Variants in IQCH observed in about 807,000 individuals in gnomAD.
IQCH encodes IQ domain-containing protein H.
Under a neutral mutation model 117.0 loss-of-function variants are expected in IQCH, and 98 were observed. That is an observed-to-expected ratio of 0.84 (90% CI 0.71 to 0.99). IQCH has a LOEUF of 0.99. Among genes scored for constraint, IQCH ranks in the 50% least tolerant of loss-of-function variants. IQCH has a pLI of 0.00. For synonymous variants in IQCH, 412 were observed against 448.2 expected, an observed-to-expected ratio of 0.92 and a Z score of 1.02; for missense variants, 1,102 against 1,243.8, an observed-to-expected ratio of 0.89 and a Z score of 1.72.
chr15:67,356,557 T>C lies in IQCH; in HGVS notation c.638-788T>C, dbSNP rs535197629. ...TGTCAATTCCTTCTAAGATTGTTGTTATAGAAAACTAACAGAAAAGGGGGT... is the reference window on the plus strand; with the variant it reads ...TGTCAATTCCTTCTAAGATTGTTGTCATAGAAAACTAACAGAAAAGGGGGT... On this transcript the variant is annotated intron_variant, in intron 6 of 20. Transcript: ENST00000335894. The surrounding 1 kb of genome is among the most constrained non-coding windows in gnomAD (Gnocchi z 5.3). 3.9e-5 allele frequency among the ~76,000 whole-genome samples: 6 copies of C among 152,358 alleles called. No individual in the cohort carries two copies. Among genetic ancestry groups the C allele is most frequent in the Non-Finnish European group, 8.8e-5 (6 of 68,032 alleles).
chr15:67,340,929 C>A (rs1178533560), intron 5 of IQCH, among the ~76,000 whole-genome samples: 1 of 152,132 alleles, frequency 6.6e-6, no homozygotes, highest in Non-Finnish European at 1.5e-5. Flanking sequence ...ACACAAGTGG[C>A]CAGGCGCAGC....
intron 6 of IQCH, among the ~76,000 whole-genome samples, chr15:67,349,698 T>C (rs57619251): frequency 0.013 from 2,033 of 151,396 alleles, 43 homozygotes; most frequent in African/African-American, 0.041. Context: ...ATCCAGAACA[T>C]ATAAAGACTC....
intron 4 of IQCH, among the ~76,000 whole-genome samples, chr15:67,283,115 A>G (rs759528411): frequency 1.3e-5 from 2 of 152,174 alleles, no homozygotes; most frequent in African/African-American, 4.8e-5. Flanking sequence ...TTAAAATACT[A>G]ATTTTTAATT....
At chr15:67,471,905 A>G (rs1271499818) in intron 17 of IQCH, among the ~76,000 whole-genome samples, 1 of 152,230 alleles carries the variant, frequency 6.6e-6, no homozygotes, top group Non-Finnish European at 1.5e-5. Flanking sequence ...TAATGCATTT[A>G]TTTAGCACTT....
intron 4 of IQCH, among the ~76,000 whole-genome samples, chr15:67,330,687 C>A (rs1370735916): frequency 6.6e-6 from 1 of 152,204 alleles, no homozygotes; most frequent in African/African-American, 2.4e-5. Context: ...AAAAGCCCCA[C>A]TGGGCCATGA....
intron 13 of IQCH, among the ~76,000 whole-genome samples, chr15:67,397,294 AAGATGCAGGC>A (rs1341081625): frequency 2.0e-5 from 3 of 152,214 alleles, no homozygotes; most frequent in Non-Finnish European, 2.9e-5. Context: ...ATTGTAGTTA[AAGATGCAGGC>A]ACATTTAATG....
At chr15:67,303,520 A>G (rs1371912518) in intron 4 of IQCH, among the ~76,000 whole-genome samples, 1 of 152,158 alleles carries the variant, frequency 6.6e-6, no homozygotes, top group Non-Finnish European at 1.5e-5. Context: ...TTTAGCCTCA[A>G]ATCATAGAAT....
chr15:67,407,736 AACTAATT>A lies in IQCH; in HGVS notation c.2097+7436_2097+7442del, dbSNP rs1971964829. The stretch of plus-strand genomic sequence containing the variant: ...GCCATTAAATAGGAAGCTTTGTGTA[AACTAATT>A]ACTAGGTAATCATTGTCTACTGCAA... On this transcript the variant is annotated intron_variant, in intron 14 of 20. Transcript: ENST00000335894. The surrounding 1 kb of genome is among the most constrained non-coding windows in gnomAD (Gnocchi z 5.3). 6.6e-6 allele frequency: 1 copy of A among 152,216 alleles called. No individual in the cohort carries two copies. Among genetic ancestry groups the A allele is most frequent in the Non-Finnish European group, 1.5e-5 (1 of 68,044 alleles). The allele number at this position is 152,216 out of a possible 1,614,324, so 9.4% of individuals were successfully genotyped here.
At chr15:67,460,446 A>C (rs1443381080) in intron 16 of IQCH, among the ~76,000 whole-genome samples, 1 of 152,172 alleles carries the variant, frequency 6.6e-6, no homozygotes, top group Non-Finnish European at 1.5e-5. Flanking sequence ...TAAATCATCA[A>C]AAGTTCCTCA....
intron 3 of IQCH, among the ~76,000 whole-genome samples, chr15:67,264,219 C>T (rs1965574682): frequency 6.6e-6 from 1 of 152,248 alleles, no homozygotes; most frequent in African/African-American, 2.4e-5. Flanking sequence ...CAGACATAAA[C>T]ATCTGTCATC....
Position 67,391,952 on chromosome 15 carries a change from A to G in IQCH, c.1632+2946A>G, listed in dbSNP as rs116048895. 4.1e-3 allele frequency among the ~76,000 whole-genome samples: 631 copies of G among 152,244 alleles called. 3 individuals carry two copies. Among genetic ancestry groups the G allele is most frequent in the African/African-American group, 0.013 (525 of 41,528 alleles). Reference sequence around the variant, plus strand: ...GCTCAGAATGTTAACATTAGGTTCTATTGCTGCATCTGCCATCCCCCTTCA... The same window carrying G: ...GCTCAGAATGTTAACATTAGGTTCTGTTGCTGCATCTGCCATCCCCCTTCA... On this transcript the variant is annotated intron_variant, in intron 12 of 20. Coordinates refer to ENST00000335894, the MANE Select transcript of IQCH (RefSeq NM_001031715.3). The surrounding 1 kb of genome is among the most constrained non-coding windows in gnomAD (Gnocchi z 4.3).
rs1971264055 is a variant in IQCH at position 67,390,892 on chromosome 15, C to G, written c.1632+1886C>G. 6.6e-6 allele frequency among the ~76,000 whole-genome samples: 1 copy of G among 152,172 alleles called. No homozygotes were observed. The highest frequency in any genetic ancestry group is 6.5e-5 in the Admixed American group (1 of 15,276). ...GGAAACCAAGACTCATTTTCTAGTCCAAGGTTACTAGTAAGGCCAGAGTGT... is the reference window on the plus strand; with the variant it reads ...GGAAACCAAGACTCATTTTCTAGTCGAAGGTTACTAGTAAGGCCAGAGTGT... On this transcript the variant is annotated intron_variant, in intron 12 of 20. Coordinates refer to ENST00000335894, the MANE Select transcript of IQCH (RefSeq NM_001031715.3). This position sits in a 1 kb window ranked among gnomAD's most constrained non-coding sequence, Gnocchi z 5.0.
chr15:67,361,554 A>T (rs1050284929), intron 8 of IQCH, among the ~76,000 whole-genome samples: 4 of 152,196 alleles, frequency 2.6e-5, no homozygotes, highest in African/African-American at 9.7e-5. Context: ...TGCCTAACTA[A>T]TATAATTTAA....
intron 17 of IQCH, among the ~76,000 whole-genome samples, chr15:67,468,301 T>C (rs572303074): frequency 6.6e-6 from 1 of 152,342 alleles, no homozygotes; most frequent in South Asian, 2.1e-4. Context: ...TGATCTGTAA[T>C]GAATGATTAA....
At position 67,479,593 on chromosome 15, in the gene IQCH, GA is replaced by G. The variant is rs951070463; in HGVS notation, c.2799+3783del. On this transcript the variant is annotated intron_variant, in intron 18 of 20. Transcript: ENST00000335894. The surrounding 1 kb of genome is among the most constrained non-coding windows in gnomAD (Gnocchi z 4.6). Reference sequence around the variant, plus strand: ...ATGACTATCTCTACATTAAAAAGGAGAAAAAAAAGTTTAACAATTAATTTCC... The same window carrying G: ...ATGACTATCTCTACATTAAAAAGGAGAAAAAAAGTTTAACAATTAATTTCC... 1.9e-4 allele frequency among the ~76,000 whole-genome samples: 29 copies of G among 151,906 alleles called. No homozygotes were observed. Among genetic ancestry groups the G allele is most frequent in the Middle Eastern group, 6.8e-3 (2 of 294 alleles).
Position 67,433,070 on chromosome 15 carries a change from A to G in IQCH, c.2505+11493A>G, listed in dbSNP as rs1400581220. 6.6e-6 allele frequency among the ~76,000 whole-genome samples: 1 copy of G among 152,224 alleles called. No individual in the cohort carries two copies. The highest frequency in any genetic ancestry group is 1.5e-5 in the Non-Finnish European group (1 of 68,038). Reference sequence around the variant, plus strand: ...GCCTTTGGTATTAACAGAAGTACCTATTATTCAGTGTTTTAAAGTGCTATA... The same window carrying G: ...GCCTTTGGTATTAACAGAAGTACCTGTTATTCAGTGTTTTAAAGTGCTATA... On this transcript the variant is annotated intron_variant, in intron 16 of 20. Coordinates refer to ENST00000335894, the MANE Select transcript of IQCH (RefSeq NM_001031715.3). The surrounding 1 kb of genome is among the most constrained non-coding windows in gnomAD (Gnocchi z 5.4).
intron 6 of IQCH, among the ~76,000 whole-genome samples, chr15:67,350,011 A>G (rs1969584791): frequency 6.6e-6 from 1 of 152,112 alleles, no homozygotes; most frequent in African/African-American, 2.4e-5. Context: ...CAACAATCTC[A>G]CTCCTAGTTA....
chr15:67,304,422 C>T (rs1471500120), intron 4 of IQCH: 3 of 1,529,828 alleles, frequency 2.0e-6, no homozygotes, highest in Non-Finnish European at 2.6e-6. Flanking sequence ...ACTATGGAAT[C>T]AGTTTGCCAT....
In IQCH at chr15:67,416,825, A is replaced by T; in HGVS notation, c.2098-106A>T. 2 of 871,434 alleles carry T rather than the reference A, an allele frequency of 2.3e-6. No individual in the cohort carries two copies. Among genetic ancestry groups the T allele is most frequent in the Non-Finnish European group, 3.2e-6 (2 of 620,690 alleles). 54.0% of individuals were successfully genotyped at this position (871,434 alleles called of 1,614,324 possible). A position where few individuals can be genotyped will look rare whatever the true frequency, so the allele number is the denominator to read the frequency against. The stretch of plus-strand genomic sequence containing the variant: ...GCTTTCTGACTCTGGGTAAACAGTA[A>T]CCACATTTTTTTTGCCTGTTGGAGG... On this transcript the variant is annotated intron_variant, in intron 14 of 20. Transcript: ENST00000335894. The surrounding 1 kb of genome is among the most constrained non-coding windows in gnomAD (Gnocchi z 5.1).
Sources: allele counts gnomAD v4.1 joint callset (sites outside exome capture counted in the v4.1 genomes callset), GRCh38; gene constraint gnomAD v4.1.1; non-coding constraint Gnocchi (gnomAD v3.1); transcripts MANE v1.5; gene names NCBI Gene and HGNC (gene_info 2026-07-23, HGNC 2026-07-21).